The following ADAMTS17 variants were observed in gnomAD, a reference collection of about 807,000 sequenced individuals.
ADAMTS17 encodes the protein ADAM metallopeptidase with thrombospondin type 1 motif 17.
A neutral mutation model predicts 141.5 loss-of-function variants in ADAMTS17; 113 were observed. That is an observed-to-expected ratio of 0.80 (90% confidence interval 0.69 to 0.93). The LOEUF (loss-of-function observed/expected upper bound fraction) is 0.93, where lower values mean the gene tolerates loss of function less well. Among genes scored for constraint, ADAMTS17 ranks in the 40% least tolerant of loss-of-function variants. The pLI is 0.00. For synonymous variants in ADAMTS17, 768 were observed against 630.6 expected, an observed-to-expected ratio of 1.22 and a Z score of -3.27; for missense variants, 1,659 against 1,517.9, an observed-to-expected ratio of 1.09 and a Z score of -1.54.
intron 3 of ADAMTS17, among the ~76,000 whole-genome samples, chr15:100,310,856 C>T (rs2045380998): frequency 6.6e-6 from 1 of 152,214 alleles, no homozygotes; most frequent in Admixed American, 6.5e-5. Flanking sequence ...GTTTGTGCAA[C>T]CCCATACAGG....
Position 99,993,284 on chromosome 15 carries a change from G to C in ADAMTS17, c.2797-84C>G. ...GCTATTAACTCCCTCCAATGTGCCA[G>C]GTGCGGTGTGGGGATGATACAAAGA... On this transcript the variant is annotated intron_variant, in intron 19 of 21. Coordinates refer to ENST00000268070, the MANE Select transcript of ADAMTS17 (RefSeq NM_139057.4). This position sits in a 1 kb window ranked among gnomAD's most constrained non-coding sequence, Gnocchi z 4.3. The C allele has an allele frequency of 1.3e-6, 2 of 1,555,992 alleles. No homozygotes were observed. The highest frequency in any genetic ancestry group is 2.2e-5 in the South Asian group (2 of 89,848).
At chr15:100,223,717 A>G (rs972954286) in intron 7 of ADAMTS17, among the ~76,000 whole-genome samples, 4 of 150,312 alleles carry the variant, frequency 2.7e-5, no homozygotes, top group African/African-American at 7.5e-5. Flanking sequence ...ATGTATATAC[A>G]TATAGTGTAT....
chr15:100,319,152 T>C (rs559445471), intron 3 of ADAMTS17, among the ~76,000 whole-genome samples: 149 of 151,870 alleles, frequency 9.8e-4, no homozygotes, highest in Non-Finnish European at 1.5e-3. Flanking sequence ...CCAAAGAGGG[T>C]AGAATAGCAC....
At chr15:100,282,680 T>C (rs62038072) in intron 3 of ADAMTS17, among the ~76,000 whole-genome samples, 51,874 of 152,038 alleles carry the variant, frequency 0.34, 9,339 homozygotes, top group South Asian at 0.46. Context: ...CACTGTATTA[T>C]GAAATAATCT....
At chr15:100,268,083 G>T (rs906625689) in intron 4 of ADAMTS17, among the ~76,000 whole-genome samples, 9 of 152,116 alleles carry the variant, frequency 5.9e-5, no homozygotes, top group African/African-American at 2.2e-4. Flanking sequence ...AATTCACTTA[G>T]GATAATGGCC....
Position 100,117,133 on chromosome 15 carries a change from AC to A in ADAMTS17, c.1722-121del, listed in dbSNP as rs201356171. Reference sequence around the variant, plus strand: ...GGGGCAGGGCAAGGTTTCCAAAGCCACCCCCTCTCTGCTGTTACAGACCAAA... The same window carrying A: ...GGGGCAGGGCAAGGTTTCCAAAGCCACCCCTCTCTGCTGTTACAGACCAAA... On this transcript the variant is annotated intron_variant, in intron 12 of 21. Coordinates refer to ENST00000268070, the MANE Select transcript of ADAMTS17 (RefSeq NM_139057.4). 2.2e-3 allele frequency: 2,611 copies of A among 1,177,236 alleles called. 40 individuals carry two copies. In the East Asian group the frequency reaches 0.026, roughly 12 times the overall value. The allele number at this position is 1,177,236 out of a possible 1,614,324, so 72.9% of individuals were successfully genotyped here. A position where few individuals can be genotyped will look rare whatever the true frequency, so the allele number is the denominator to read the frequency against.
At chr15:100,116,153 A>AAAAAAAAAAAAAAAC (rs1567201105) in intron 13 of ADAMTS17, among the ~76,000 whole-genome samples, 1 of 151,176 alleles carries the variant, frequency 6.6e-6, no homozygotes, top group African/African-American at 2.4e-5. Context: ...AAAAAAAAAA[A>AAAAAAAAAAAAAAAC]AAAAACCCAA....
chr15:100,172,697 C>T (rs923281421), intron 8 of ADAMTS17, among the ~76,000 whole-genome samples: 2 of 152,322 alleles, frequency 1.3e-5, no homozygotes, highest in African/African-American at 4.8e-5. Flanking sequence ...ACTGTGCGGT[C>T]CCACCCTAGC....
intron 15 of ADAMTS17, among the ~76,000 whole-genome samples, chr15:100,088,244 T>C (rs2140979349): frequency 6.6e-6 from 1 of 152,294 alleles, no homozygotes; most frequent in Admixed American, 6.5e-5. Context: ...TCACAATTGC[T>C]TCAAAGAGAA....
At chr15:99,990,060 TC>T (rs1214501976) in intron 20 of ADAMTS17, among the ~76,000 whole-genome samples, 1 of 152,166 alleles carries the variant, frequency 6.6e-6, no homozygotes, top group East Asian at 1.9e-4. Flanking sequence ...AGTGCATCTT[TC>T]TTTTCGCTCT....
At chr15:100,105,304 T>A (rs934555194) in intron 14 of ADAMTS17, among the ~76,000 whole-genome samples, 3 of 152,186 alleles carry the variant, frequency 2.0e-5, no homozygotes, top group African/African-American at 7.2e-5. Context: ...TCGAGCATCA[T>A]GAAAGGTGCC....
chr15:100,138,522 GA>G (rs1352971245), intron 10 of ADAMTS17, among the ~76,000 whole-genome samples: 1 of 152,180 alleles, frequency 6.6e-6, no homozygotes, highest in African/African-American at 2.4e-5. Context: ...AATGGATTTT[GA>G]CAGCCCCGAA....
chr15:100,243,658 C>T (rs994543314), intron 7 of ADAMTS17, among the ~76,000 whole-genome samples: 1 of 152,050 alleles, frequency 6.6e-6, no homozygotes, highest in African/African-American at 2.4e-5. Context: ...GGCGTAATGG[C>T]GCATGCCTGT....
At chr15:100,121,542 T>C (rs969194605) in intron 12 of ADAMTS17, among the ~76,000 whole-genome samples, 2 of 152,182 alleles carry the variant, frequency 1.3e-5, no homozygotes, top group Non-Finnish European at 2.9e-5. Flanking sequence ...TGTGCTTATA[T>C]ACTTAAAGTG....
chr15:100,258,517 T>C (rs188497349), intron 6 of ADAMTS17, among the ~76,000 whole-genome samples: 1 of 152,198 alleles, frequency 6.6e-6, no homozygotes, highest in Non-Finnish European at 1.5e-5. Context: ...ACAATCATGG[T>C]GGAAGGCGAA....
intron 18 of ADAMTS17, among the ~76,000 whole-genome samples, chr15:100,015,469 T>G (rs1319305545): frequency 6.6e-6 from 1 of 152,214 alleles, no homozygotes; most frequent in South Asian, 2.1e-4. Flanking sequence ...TCCTGTGTGA[T>G]TTATGCTTTA....
chr15:100,111,505 T>A (rs2036779988), intron 13 of ADAMTS17, among the ~76,000 whole-genome samples: 1 of 152,192 alleles, frequency 6.6e-6, no homozygotes, highest in African/African-American at 2.4e-5. Flanking sequence ...AGCCCTGAGG[T>A]TCCCCAAGCA....
intron 15 of ADAMTS17, among the ~76,000 whole-genome samples, chr15:100,094,136 C>G (rs2035625957): frequency 6.6e-6 from 1 of 152,318 alleles, no homozygotes; most frequent in East Asian, 1.9e-4. Context: ...TGACAATTGG[C>G]AATCACTCAG....
chr15:100,253,685 C>T (rs1269253383), intron 7 of ADAMTS17, among the ~76,000 whole-genome samples: 2 of 152,088 alleles, frequency 1.3e-5, no homozygotes, highest in African/African-American at 2.4e-5. Context: ...GAAGAGATTG[C>T]ATGTCTTATA....
Sources: allele counts gnomAD v4.1 joint callset (sites outside exome capture counted in the v4.1 genomes callset), GRCh38; gene constraint gnomAD v4.1.1; non-coding constraint Gnocchi (gnomAD v3.1); transcripts MANE v1.5; gene names NCBI Gene and HGNC (gene_info 2026-07-23, HGNC 2026-07-21).